The following GSE1 variants were observed in gnomAD, a reference collection of about 807,000 sequenced individuals.
GSE1 encodes the protein genetic suppressor element 1.
Under a neutral mutation model 112.6 loss-of-function variants are expected in GSE1, and 32 were observed. The ratio of observed to expected loss-of-function variants is 0.28; its 90% CI spans 0.21 to 0.38. The LOEUF (loss-of-function observed/expected upper bound fraction) is 0.38, where lower values mean the gene tolerates loss of function less well. GSE1 is among the 10% of genes least tolerant of loss of function. GSE1 has a pLI of 1.00. For synonymous variants in GSE1, 1,115 were observed against 735.6 expected (o/e 1.52, Z -8.35); for missense variants, 2,348 against 1,699.2 (o/e 1.38, Z -6.71).
intron 2 of GSE1, among the ~76,000 whole-genome samples, chr16:85,400,882 T>G (rs776981106): frequency 7.9e-5 from 12 of 152,004 alleles, no homozygotes; most frequent in Non-Finnish European, 1.2e-4. Context: ...TGTGTCTCTG[T>G]GTGTGATTGT....
intron 1 of GSE1, among the ~76,000 whole-genome samples, chr16:85,601,914 A>G (rs1483237947): frequency 6.6e-6 from 1 of 152,176 alleles, no homozygotes; most frequent in Non-Finnish European, 1.5e-5. Context: ...CTGGGACTTG[A>G]TTGTCCGAGT....
chr16:85,291,797 ACCT>A (rs2045221629), intron 1 of GSE1, among the ~76,000 whole-genome samples: 1 of 151,700 alleles, frequency 6.6e-6, no homozygotes, highest in Non-Finnish European at 1.5e-5. Flanking sequence ...GGGGCCCATA[ACCT>A]CCTGGTTGTC....
In GSE1 at chr16:85,173,168, C is replaced by G. The variant is rs115374205; in HGVS notation, c.2283+1361C>G. 6.6e-3 allele frequency among the ~76,000 whole-genome samples: 1,007 copies of G among 152,316 alleles called. 12 individuals carry two copies. Among genetic ancestry groups the G allele is most frequent in the African/African-American group, 0.023 (941 of 41,562 alleles). ...TGGGAGAAGAGAACAAGTTTTGGAGCAAGACTGACCCCAGTTCATTTGTTC... is the reference window on the plus strand; with the variant it reads ...TGGGAGAAGAGAACAAGTTTTGGAGGAAGACTGACCCCAGTTCATTTGTTC... On this transcript the variant is annotated intron_variant, in intron 1 of 2. Coordinates refer to the GSE1 transcript ENST00000637419.
intron 1 of GSE1, among the ~76,000 whole-genome samples, chr16:85,569,675 G>GCA (rs781310224): frequency 6.6e-6 from 1 of 152,226 alleles, no homozygotes; most frequent in Non-Finnish European, 1.5e-5. Context: ...CTCAGTGCCA[G>GCA]CACACACGGG....
intron 1 of GSE1, among the ~76,000 whole-genome samples, chr16:85,280,089 G>A (rs935575642): frequency 6.6e-6 from 1 of 152,188 alleles, no homozygotes; most frequent in African/African-American, 2.4e-5. Flanking sequence ...CCCAGCGCTC[G>A]GAAGGTCTGC....
intron 1 of GSE1, among the ~76,000 whole-genome samples, chr16:85,194,243 C>T (rs2074884587): frequency 6.6e-6 from 1 of 152,166 alleles, no homozygotes; most frequent in Non-Finnish European, 1.5e-5. Context: ...GCTGAGACCC[C>T]TGGCCCTGGA....
chr16:85,543,995 A>G (rs755693066), intron 2 of GSE1, among the ~76,000 whole-genome samples: 6 of 152,070 alleles, frequency 3.9e-5, no homozygotes, highest in Non-Finnish European at 8.8e-5. Context: ...GCACCACCAC[A>G]CCTAGTTAAT....
intron 1 of GSE1, among the ~76,000 whole-genome samples, chr16:85,247,258 C>T (rs939116779): frequency 6.6e-6 from 1 of 152,172 alleles, no homozygotes; most frequent in African/African-American, 2.4e-5. Flanking sequence ...GTCCCCAGCA[C>T]CTAGAAAAGA....
At chr16:85,180,284 T>C (rs2074555371) in intron 1 of GSE1, among the ~76,000 whole-genome samples, 1 of 152,264 alleles carries the variant, frequency 6.6e-6, no homozygotes, top group Non-Finnish European at 1.5e-5. Context: ...CAGGTGCCTC[T>C]GGCTGCAGCT....
intron 1 of GSE1, among the ~76,000 whole-genome samples, chr16:85,351,593 G>A (rs2046851634): frequency 6.6e-6 from 1 of 152,126 alleles, no homozygotes; most frequent in South Asian, 2.1e-4. Flanking sequence ...ATGGATGGTG[G>A]TAATGGTTAC....
intron 1 of GSE1, among the ~76,000 whole-genome samples, chr16:85,320,609 T>C (rs549079634): frequency 1.3e-5 from 2 of 152,280 alleles, no homozygotes; most frequent in South Asian, 2.1e-4. Context: ...TCCTCTCTTC[T>C]TACAGAAACA....
chr16:85,656,761 T>A, intron 7 of GSE1, 96 bp downstream of exon 7: 1 of 1,423,416 alleles, frequency 7.0e-7, no homozygotes. Flanking sequence ...GTGGTGTAAA[T>A]GTTCCCCAGC....
intron 1 of GSE1, among the ~76,000 whole-genome samples, chr16:85,173,315 C>T (rs548814150): frequency 6.6e-6 from 1 of 152,222 alleles, no homozygotes; most frequent in Admixed American, 6.5e-5. Flanking sequence ...TCTGCCCTTT[C>T]TCTTGCTAAG....
intron 1 of GSE1, among the ~76,000 whole-genome samples, chr16:85,273,618 G>A (rs1230145690): frequency 6.6e-6 from 1 of 152,176 alleles, no homozygotes; most frequent in African/African-American, 2.4e-5. Context: ...CCATAGGGTC[G>A]GAAAGCAGAC....
chr16:85,310,447 C>T (rs893817298), intron 1 of GSE1, among the ~76,000 whole-genome samples: 32 of 152,082 alleles, frequency 2.1e-4, no homozygotes, highest in African/African-American at 7.2e-4. Context: ...CTCTGATCAG[C>T]GGTTCCTTCC....
intron 2 of GSE1, among the ~76,000 whole-genome samples, chr16:85,383,485 G>T (rs962233639): frequency 8.3e-5 from 12 of 144,478 alleles, no homozygotes; most frequent in African/African-American, 3.2e-4. Context: ...GAACATACAC[G>T]CAGAGCTCCC....
chr16:85,597,884 T>A (rs1490720020), intron 1 of GSE1, among the ~76,000 whole-genome samples: 1 of 152,208 alleles, frequency 6.6e-6, no homozygotes. Flanking sequence ...TGAACTTTGA[T>A]CTTCTCTGCT....
chr16:85,652,771 G>A (rs976142228), intron 3 of GSE1, among the ~76,000 whole-genome samples: 25 of 152,294 alleles, frequency 1.6e-4, no homozygotes, highest in African/African-American at 5.8e-4. Context: ...GCTTCTCCAC[G>A]GTGGGGCAGG....
intron 2 of GSE1, among the ~76,000 whole-genome samples, chr16:85,512,800 G>T (rs147272043): frequency 1.3e-5 from 2 of 152,260 alleles, no homozygotes; most frequent in African/African-American, 2.4e-5. Flanking sequence ...TAATTTAATC[G>T]CAGGTCCGAG....
Sources: allele counts gnomAD v4.1 joint callset (sites outside exome capture counted in the v4.1 genomes callset), GRCh38; gene constraint gnomAD v4.1.1; transcripts MANE v1.5; gene names NCBI Gene and HGNC (gene_info 2026-07-23, HGNC 2026-07-21).